Variants in ITSN2 observed in about 807,000 individuals in gnomAD.
The protein encoded by ITSN2 is intersectin-2.
Under a neutral mutation model 243.7 loss-of-function variants are expected in ITSN2, and 156 were observed. The ratio of observed to expected loss-of-function variants is 0.64; its 90% confidence interval spans 0.56 to 0.73. The LOEUF is 0.73. Among genes scored for constraint, ITSN2 ranks in the 30% least tolerant of loss-of-function variants. ITSN2 has a pLI of 0.00. For synonymous variants in ITSN2, 703 were observed against 699.9 expected (o/e 1.00, Z -0.07); for missense variants, 1,801 against 1,996.1 (o/e 0.90, Z 1.86).
intron 15 of ITSN2, among the ~76,000 whole-genome samples, chr2:24,288,790 T>C (rs531530574): frequency 6.6e-6 from 1 of 152,316 alleles, no homozygotes; most frequent in African/African-American, 2.4e-5. Context: ...CTAACTGAAA[T>C]GTTGATTTCC....
At chr2:24,303,365 T>A (rs554257620) in intron 9 of ITSN2, among the ~76,000 whole-genome samples, 2 of 152,238 alleles carry the variant, frequency 1.3e-5, no homozygotes, top group African/African-American at 4.8e-5. Flanking sequence ...AATGGGTGTC[T>A]TTGTGTCTCA....
chr2:24,262,322 T>C (rs143449181), intron 20 of ITSN2, among the ~76,000 whole-genome samples: 15 of 152,322 alleles, frequency 9.8e-5, no homozygotes, highest in African/African-American at 3.4e-4. Flanking sequence ...TAAATTTCCT[T>C]TTTTGTAAAC....
Position 24,204,378 on chromosome 2 carries a change from C to G in ITSN2, c.4803G>C (p.Gln1601His). 1 of 1,614,170 alleles carries G rather than the reference C, an allele frequency of 6.2e-7. No homozygotes were observed. The highest frequency in any genetic ancestry group is 8.5e-7 in the Non-Finnish European group (1 of 1,180,016). ...CCTGGATGGTCCTGGTGGTGTAGCT[C>G]TGGGAGCCCATGCTGATTTCACAGT... The part of the protein sequence containing the change: ...NPYCEISMGS[Q>H]SYTTRTIQDT... The change falls in exon 39 of 40, where the codon CAG becomes CAC. Residue 1601 changes from glutamine (Q) to histidine (H), a missense_variant. Transcript: ENST00000355123. The surrounding 1 kb of genome is among the most constrained non-coding windows in gnomAD (Gnocchi z 5.1).
intron 2 of ITSN2, among the ~76,000 whole-genome samples, chr2:24,318,900 G>A (rs1684235451): frequency 6.6e-6 from 1 of 152,182 alleles, no homozygotes; most frequent in African/African-American, 2.4e-5. Flanking sequence ...TACCACCTGA[G>A]CGGCACCTCC....
chr2:24,304,429 C>T (rs1682215111), intron 8 of ITSN2, among the ~76,000 whole-genome samples: 1 of 152,154 alleles, frequency 6.6e-6, no homozygotes, highest in Admixed American at 6.5e-5. Flanking sequence ...ATCAAAGCAA[C>T]CATGTATTAC....
intron 1 of ITSN2, among the ~76,000 whole-genome samples, chr2:24,350,012 G>A (rs1284764442): frequency 2.6e-5 from 4 of 152,154 alleles, no homozygotes; most frequent in Admixed American, 2.0e-4. Flanking sequence ...AGATTTCTTA[G>A]AAGAAAACTA....
intron 2 of ITSN2, among the ~76,000 whole-genome samples, chr2:24,317,579 T>A (rs1322979007): frequency 2.0e-5 from 3 of 152,228 alleles, no homozygotes; most frequent in East Asian, 3.8e-4. Context: ...GGGCAGAACC[T>A]GGATTCTTGG....
chr2:24,209,306 C>G (rs1201564461), intron 35 of ITSN2, 85 bp from the exon 36 acceptor site: 30 of 1,532,414 alleles, frequency 2.0e-5, no homozygotes, highest in Non-Finnish European at 2.6e-5. Flanking sequence ...TCTGTTTGTT[C>G]TGAAGAGCCT....
intron 2 of ITSN2, among the ~76,000 whole-genome samples, chr2:24,326,472 G>T (rs181362267): frequency 1.1e-3 from 175 of 152,298 alleles, no homozygotes; most frequent in Admixed American, 3.6e-3. Flanking sequence ...ACTGTTTAAT[G>T]CAAATTCCTT....
intron 15 of ITSN2, among the ~76,000 whole-genome samples, chr2:24,287,458 G>A (rs1178763957): frequency 1.3e-5 from 2 of 152,096 alleles, no homozygotes; most frequent in African/African-American, 2.4e-5. Flanking sequence ...CTGAGGTCAT[G>A]CAGTATTTGT....
intron 20 of ITSN2, among the ~76,000 whole-genome samples, chr2:24,264,488 C>T (rs1010409663): frequency 4.0e-5 from 6 of 151,878 alleles, no homozygotes; most frequent in Non-Finnish European, 5.9e-5. Flanking sequence ...AAGATTTTCT[C>T]TGTTTTCTTC....
At chr2:24,341,979 AAAAAGGAG>A (rs1687083500) in intron 1 of ITSN2, among the ~76,000 whole-genome samples, 1 of 152,216 alleles carries the variant, frequency 6.6e-6, no homozygotes. Context: ...TTTAATTTAC[AAAAAGGAG>A]ATGGGAGAGA....
At chr2:24,288,841 C>T (rs887109421) in intron 15 of ITSN2, among the ~76,000 whole-genome samples, 3 of 152,138 alleles carry the variant, frequency 2.0e-5, no homozygotes, top group Non-Finnish European at 2.9e-5. Flanking sequence ...TCTCACCAGC[C>T]CTGGTAGCCA....
At chr2:24,284,096 T>C (rs1679169024) in intron 17 of ITSN2, among the ~76,000 whole-genome samples, 1 of 152,252 alleles carries the variant, frequency 6.6e-6, no homozygotes, top group African/African-American at 2.4e-5. Flanking sequence ...GTAAAATGTG[T>C]AGTCAAAATC....
At position 24,286,349 on chromosome 2, in the gene ITSN2, A is replaced by T. The variant is rs764888398; in HGVS notation, c.1726T>A (p.Ser576Thr). 1.2e-6 allele frequency: 2 copies of T among 1,610,240 alleles called. No homozygotes were observed. Among genetic ancestry groups the T allele is most frequent in the Admixed American group, 1.7e-5 (1 of 59,388 alleles). ...KNMQFSNTPD[S>T]GVSLLHKKSL... ...TTTTTATGAAGTAAACTGACCCCTG[A>T]ATCTGAAAAACAAACATCAGACAGT... Residue 576 changes from serine to threonine, a missense_variant and splice_region_variant, in exon 16 of 40, where the codon TCA (serine) becomes ACA (threonine). By Grantham distance (58) the Ser-to-Thr change is moderately conservative. This residue lies in a region of ITSN2 where 787 missense variants were observed against 803.9 expected (regional missense o/e 0.98). Transcript: ENST00000355123.
intron 29 of ITSN2, among the ~76,000 whole-genome samples, chr2:24,227,392 C>T (rs1458416757): frequency 6.7e-6 from 1 of 150,344 alleles, no homozygotes; most frequent in Non-Finnish European, 1.5e-5. Context: ...CAAAAATACA[C>T]ATGGAGATGT....
chr2:24,299,950 G>C lies in ITSN2; in HGVS notation c.1303C>G (p.Gln435Glu), dbSNP rs1681511784. The change falls in exon 12 of 40, where the codon CAA becomes GAA. Residue 435 changes from glutamine (Q) to glutamate (E), a missense_variant. Physicochemically the swap from Gln to Glu is conservative, Grantham distance 29. Coordinates refer to ENST00000355123, the MANE Select transcript of ITSN2 (RefSeq NM_006277.3). ...RLEKQRELER[Q>E]REEERRKDIE... ...TCTTTTCTCCTTTCTTCCTCTCGTTGTCTCTCCAATTCCCGTTGCTTCTCT... is the reference window on the plus strand; with the variant it reads ...TCTTTTCTCCTTTCTTCCTCTCGTTCTCTCTCCAATTCCCGTTGCTTCTCT... 1.2e-6 allele frequency: 2 copies of C among 1,612,902 alleles called. No homozygotes were observed. Among genetic ancestry groups the C allele is most frequent in the East Asian group, 2.2e-5 (1 of 44,896 alleles).
At chr2:24,281,908 T>C (rs1423240688) in intron 17 of ITSN2, among the ~76,000 whole-genome samples, 1 of 152,230 alleles carries the variant, frequency 6.6e-6, no homozygotes, top group Non-Finnish European at 1.5e-5. Flanking sequence ...AGTTATATCA[T>C]GTCCTCCTCT....
intron 22 of ITSN2, among the ~76,000 whole-genome samples, chr2:24,259,655 G>T (rs1348059970): frequency 1.3e-5 from 2 of 152,124 alleles, no homozygotes; most frequent in African/African-American, 2.4e-5. Flanking sequence ...GTGTTAACAT[G>T]CCTTGGTGAC....
Sources: allele counts gnomAD v4.1 joint callset (sites outside exome capture counted in the v4.1 genomes callset), GRCh38; gene constraint gnomAD v4.1.1; regional missense constraint gnomAD v4.1.1; non-coding constraint Gnocchi (gnomAD v3.1); transcripts MANE v1.5; gene names NCBI Gene and HGNC (gene_info 2026-07-23, HGNC 2026-07-21).